ABTB2: variants seen among roughly 807,000 people sequenced by gnomAD.
ABTB2 encodes the protein ankyrin repeat and BTB domain containing 2.
In ABTB2, 56 loss-of-function variants were observed where a neutral mutation model predicts 104.1. That is an observed-to-expected ratio of 0.54 (90% CI 0.43 to 0.67). The LOEUF (loss-of-function observed/expected upper bound fraction) is 0.67. ABTB2 is among the 30% of genes least tolerant of loss of function. ABTB2 has a pLI of 0.00. For synonymous variants in ABTB2, 606 were observed against 608.2 expected (o/e 1.00, Z 0.05); for missense variants, 1,279 against 1,407.7 (o/e 0.91, Z 1.46).
At chr11:34,215,317 T>C (rs1853537603) in intron 1 of ABTB2, among the ~76,000 whole-genome samples, 1 of 152,106 alleles carries the variant, frequency 6.6e-6, no homozygotes, top group Non-Finnish European at 1.5e-5. Flanking sequence ...CAGTGCCAGC[T>C]CAGAGAGGAA....
chr11:34,197,025 A>AG (rs1445064220), intron 3 of ABTB2, among the ~76,000 whole-genome samples: 3 of 152,182 alleles, frequency 2.0e-5, no homozygotes, highest in African/African-American at 4.8e-5. Flanking sequence ...TTTTATAACA[A>AG]GGCAGCTGAA....
chr11:34,168,449 A>T (rs779535024), intron 5 of ABTB2, among the ~76,000 whole-genome samples: 9 of 152,120 alleles, frequency 5.9e-5, no homozygotes, highest in Non-Finnish European at 1.2e-4. Context: ...TAAAATACCA[A>T]CAACACTCTC....
chr11:34,320,987 A>G (rs1854994571), intron 1 of ABTB2, among the ~76,000 whole-genome samples: 1 of 152,186 alleles, frequency 6.6e-6, no homozygotes, highest in Non-Finnish European at 1.5e-5. Flanking sequence ...GTTCAAGACC[A>G]GCCTGACCAA....
In ABTB2 at chr11:34,283,143, C is replaced by T. The variant is rs568782100; in HGVS notation, c.883+73558G>A. On this transcript the variant is annotated intron_variant, in intron 1 of 16. Coordinates refer to ENST00000435224, the MANE Select transcript of ABTB2 (RefSeq NM_145804.3). ...CAGTGTTAGCCAGGACATTCTCGAT[C>T]TCCTGACCTCGTGATCCGCCTGCCT... is the stretch of plus-strand genomic sequence containing the variant. Among the ~76,000 whole-genome samples, 7 of 149,902 alleles carry T rather than the reference C, an allele frequency of 4.7e-5. No individual in the cohort carries two copies. The South Asian group carries it at 1.5e-3, about 32-fold the overall frequency.
intron 1 of ABTB2, among the ~76,000 whole-genome samples, chr11:34,340,043 C>CCAAACAAACAAACAAACAAA (rs60959261): frequency 6.7e-6 from 1 of 149,442 alleles, no homozygotes; most frequent in African/African-American, 2.5e-5. Flanking sequence ...CCACCATCCT[C>CCAAACAAACAAACAAACAAA]CAAACAAACA....
At chr11:34,211,321 CG>C (rs745642417) in intron 1 of ABTB2, among the ~76,000 whole-genome samples, 1 of 151,968 alleles carries the variant, frequency 6.6e-6, no homozygotes, top group Non-Finnish European at 1.5e-5. Flanking sequence ...CTTTTCCAGG[CG>C]GGTCTAGAAC....
At chr11:34,159,206 C>T in intron 14 of ABTB2, 90 bp downstream of exon 14, 1 of 936,100 alleles carries the variant, frequency 1.1e-6, no homozygotes, top group Non-Finnish European at 1.7e-6. Flanking sequence ...ATAGAGTGAA[C>T]AATGACAACC....
chr11:34,213,973 CA>C (rs1196762066), intron 1 of ABTB2, among the ~76,000 whole-genome samples: 1 of 152,128 alleles, frequency 6.6e-6, no homozygotes, highest in Non-Finnish European at 1.5e-5. Context: ...CTTAGTGACC[CA>C]GGGAGCATGA....
intron 10 of ABTB2, among the ~76,000 whole-genome samples, chr11:34,162,280 C>G (rs1852731505): frequency 6.6e-6 from 1 of 152,310 alleles, no homozygotes; most frequent in East Asian, 1.9e-4. Context: ...TGGGCTGTGA[C>G]TGGGGAGGGG....
At chr11:34,295,903 G>T (rs1331239894) in intron 1 of ABTB2, among the ~76,000 whole-genome samples, 2 of 152,118 alleles carry the variant, frequency 1.3e-5, no homozygotes, top group Non-Finnish European at 2.9e-5. Flanking sequence ...CACTTCCAAA[G>T]GTCCTATCTC....
intron 3 of ABTB2, chr11:34,189,091 C>A (rs1007804968): frequency 1.3e-5 from 2 of 152,168 alleles, no homozygotes; most frequent in African/African-American, 4.8e-5. Context: ...CTTCTTTTTC[C>A]ACTGGGAAAC....
rs189645769 is a variant in ABTB2, at chr11:34,245,310, C to T, written c.884-40620G>A. 2.4e-3 allele frequency among the ~76,000 whole-genome samples: 365 copies of T among 152,342 alleles called. 7 individuals carry two copies. Among genetic ancestry groups the T allele is most frequent in the Non-Finnish European group, 2.2e-4 (15 of 68,042 alleles). On this transcript the variant is annotated intron_variant, in intron 1 of 16. Transcript: ENST00000435224. ...CTGAGGACCAGCACAGCCTCCTCCC[C>T]ACTGAACTTTCCTTGCAGGCAGAGG... is the stretch of plus-strand genomic sequence containing the variant.
chr11:34,164,681 G>A lies in ABTB2; in HGVS notation c.1988+5C>T. 1 of 1,503,758 alleles carries A rather than the reference G, an allele frequency of 6.7e-7. No individual in the cohort carries two copies. Among genetic ancestry groups the A allele is most frequent in the Non-Finnish European group, 8.8e-7 (1 of 1,134,402 alleles). 93.2% of individuals were successfully genotyped at this position (1,503,758 alleles called of 1,614,324 possible). The stretch of plus-strand genomic sequence containing the variant: ...TCACACAGGGTGGGAATCCCGGGCA[G>A]GTACCTGTGGCCGTGGGCAGCTGAG... On this transcript the variant is annotated splice_donor_5th_base_variant and intron_variant, in intron 9 of 16. Transcript: ENST00000435224.
chr11:34,172,391 A>T (rs58126474), intron 4 of ABTB2, among the ~76,000 whole-genome samples: 463 of 26,732 alleles, frequency 0.017, 18 homozygotes, highest in East Asian at 0.16. Flanking sequence ...AAAAAAAAAA[A>T]AAAAATATAT....
At chr11:34,285,462 T>C (rs948161487) in intron 1 of ABTB2, among the ~76,000 whole-genome samples, 5 of 152,096 alleles carry the variant, frequency 3.3e-5, no homozygotes, top group African/African-American at 7.2e-5. Flanking sequence ...CTTTTAATTA[T>C]CTTGCAGGCC....
rs1381209385 is a variant in ABTB2 at position 34,164,130 on chromosome 11, C to CGCTTTTCCAGCCCT, written c.1988+555_1988+556insAGGGCTGGAAAAGC. Among the ~76,000 whole-genome samples the CGCTTTTCCAGCCCT allele has an allele frequency of 2.2e-3, 333 of 152,272 alleles. 1 individual carries two copies. Among genetic ancestry groups the CGCTTTTCCAGCCCT allele is most frequent in the Middle Eastern group, 0.014 (4 of 294 alleles). On this transcript the variant is annotated intron_variant, in intron 9 of 16. Coordinates refer to ENST00000435224, the MANE Select transcript of ABTB2 (RefSeq NM_145804.3). ...TTATCCAGCCCCGCTTTTCCAGCCC[C>CGCTTTTCCAGCCCT]GTTTCTGCCCTGTAATAAGCCCTTG... is the stretch of plus-strand genomic sequence containing the variant.
rs538944872 is a variant in ABTB2, at chr11:34,283,937, G to A, written c.883+72764C>T. On this transcript the variant is annotated intron_variant, in intron 1 of 16. Coordinates refer to ENST00000435224, the MANE Select transcript of ABTB2 (RefSeq NM_145804.3). ...CAGTTTTATGGAAGTAAGTTGCTGA[G>A]TTCTCCAGCTTCTTGGTAAATCTAA... Among the ~76,000 whole-genome samples the A allele has an allele frequency of 2.0e-5, 3 of 152,354 alleles. No homozygotes were observed. The South Asian group carries it at 6.2e-4, about 32-fold the overall frequency.
chr11:34,160,486 T>C (rs901092019), intron 11 of ABTB2, 133 bp from the exon 12 acceptor site: 1 of 684,426 alleles, frequency 1.5e-6, no homozygotes, highest in Non-Finnish European at 2.6e-6. Context: ...CTGCTGGATG[T>C]GGCTTGGCAA....
At chr11:34,265,566 G>A (rs991114343) in intron 1 of ABTB2, among the ~76,000 whole-genome samples, 4 of 148,712 alleles carry the variant, frequency 2.7e-5, no homozygotes, top group African/African-American at 1.0e-4. Flanking sequence ...AGGCTGAGAC[G>A]AGAATCGCTT....
Sources: gnomAD v4.1 joint callset for allele counts (sites outside exome capture counted in the v4.1 genomes callset) on GRCh38, gnomAD v4.1.1 for gene constraint, MANE v1.5 for transcripts, NCBI Gene and HGNC (gene_info 2026-07-23, HGNC 2026-07-21) for gene names.